RTN3: variants seen among roughly 807,000 people sequenced by gnomAD.
The protein encoded by RTN3 is reticulon-3.
RTN3 carries 49 observed loss-of-function variants against 77.8 expected under a neutral mutation model. The observed-to-expected ratio is 0.63, with a 90% confidence interval of 0.50 to 0.80. The LOEUF is 0.80. RTN3 is among the 30% of genes least tolerant of loss of function. RTN3 has a pLI of 0.00. For missense variants in RTN3, 1,236 were observed against 1,211.9 expected, an observed-to-expected ratio of 1.02 and a Z score of -0.29; for synonymous variants, 464 against 446.9, an observed-to-expected ratio of 1.04 and a Z score of -0.48.
At chr11:63,711,450 G>A (rs1410559098) in intron 2 of RTN3, among the ~76,000 whole-genome samples, 2 of 151,130 alleles carry the variant, frequency 1.3e-5, no homozygotes, top group Middle Eastern at 3.2e-3. Context: ...AGTGCAGTGG[G>A]TCAATTAGGG....
At chr11:63,743,438 T>G (rs555151068) in intron 3 of RTN3, among the ~76,000 whole-genome samples, 1 of 152,234 alleles carries the variant, frequency 6.6e-6, no homozygotes, top group African/African-American at 2.4e-5. Context: ...TTTTCTTTTT[T>G]AGTTGTTAAT....
intron 4 of RTN3, among the ~76,000 whole-genome samples, chr11:63,750,729 G>A (rs555244751): frequency 6.6e-6 from 1 of 150,580 alleles, no homozygotes; most frequent in African/African-American, 2.4e-5. Context: ...TGTTTTTTTT[G>A]TTTTTTGTTT....
chr11:63,752,061 C>A (rs1337836811), intron 4 of RTN3, among the ~76,000 whole-genome samples: 2 of 150,626 alleles, frequency 1.3e-5, no homozygotes, highest in African/African-American at 4.9e-5. Flanking sequence ...ATTACAAATA[C>A]AAATGTGGTT....
chr11:63,748,703 T>C (rs2013939006), intron 3 of RTN3, among the ~76,000 whole-genome samples: 3 of 144,232 alleles, frequency 2.1e-5, no homozygotes, highest in African/African-American at 7.8e-5. Flanking sequence ...AGTTTCGCTC[T>C]GTCACCCAGA....
At chr11:63,692,261 C>T (rs530804914) in intron 1 of RTN3, among the ~76,000 whole-genome samples, 87 of 152,146 alleles carry the variant, frequency 5.7e-4, no homozygotes, top group African/African-American at 2.0e-3. Context: ...GACCTCAAGT[C>T]GTCCATCAAC....
intron 1 of RTN3, among the ~76,000 whole-genome samples, chr11:63,682,812 A>G (rs1272433938): frequency 6.6e-6 from 1 of 152,074 alleles, no homozygotes; most frequent in African/African-American, 2.4e-5. Context: ...TTATGCAGAA[A>G]TCTGCAGTGC....
rs2014370288 is a variant in RTN3 at position 63,756,111 on chromosome 11, G to A, written c.2995-1G>A. On this transcript the variant is annotated splice_acceptor_variant, in intron 7 of 8. Coordinates refer to ENST00000377819, the MANE Select transcript of RTN3 (RefSeq NM_001265589.2). LOFTEE classifies it high-confidence loss of function. Reference sequence around the variant, plus strand: ...ACTGAATTTATTTTCCTTCCTTAAAGACCCAGATTGATCACTATGTTGGCA... The same window carrying A: ...ACTGAATTTATTTTCCTTCCTTAAAAACCCAGATTGATCACTATGTTGGCA... 1.2e-6 allele frequency: 2 copies of A among 1,611,476 alleles called. No homozygotes were observed. Among genetic ancestry groups the A allele is most frequent in the Non-Finnish European group, 1.7e-6 (2 of 1,177,726 alleles).
In RTN3 at chr11:63,701,403, T is replaced by G. The variant is rs191753726; in HGVS notation, c.143-3448T>G. Reference sequence around the variant, plus strand: ...TCTTTTAACATCTCAATTTCTAAATTTAATCAGCTAAAAAGTCCCATATTT... The same window carrying G: ...TCTTTTAACATCTCAATTTCTAAATGTAATCAGCTAAAAAGTCCCATATTT... On this transcript the variant is annotated intron_variant, in intron 1 of 8. Coordinates refer to ENST00000377819, the MANE Select transcript of RTN3 (RefSeq NM_001265589.2). Among the ~76,000 whole-genome samples the G allele has an allele frequency of 9.2e-5, 14 of 152,244 alleles. No individual in the cohort carries two copies. The East Asian group carries it at 2.7e-3, about 29-fold the overall frequency.
Position 63,753,145 on chromosome 11 carries a change from T to C in RTN3, c.2947+7T>C, listed in dbSNP as rs749296936. ...ATCACCCTTCTAATTCTTGGTAAGG[T>C]GGCAAGGAGAATGTGCCCATGCTCT... On this transcript the variant is annotated splice_region_variant and intron_variant, in intron 6 of 8. Transcript: ENST00000377819. 1.2e-6 allele frequency: 2 copies of C among 1,613,306 alleles called. No individual in the cohort carries two copies. Among genetic ancestry groups the C allele is most frequent in the East Asian group, 4.5e-5 (2 of 44,872 alleles).
rs1235530879 is a variant in RTN3, at chr11:63,741,347, C to T, written c.2531-8644C>T. Among the ~76,000 whole-genome samples the T allele has an allele frequency of 4.6e-5, 7 of 150,792 alleles. No homozygotes were observed. In the East Asian group the frequency reaches 7.8e-4, roughly 17 times the overall value. On this transcript the variant is annotated intron_variant, in intron 3 of 8. Coordinates refer to ENST00000377819, the MANE Select transcript of RTN3 (RefSeq NM_001265589.2). ...CCTCCTGAGTAGCTGGGGCTACAGG[C>T]GTGTGCCACCACGCCTGGCTAATTT...
chr11:63,714,522 T>C (rs1199620639), intron 2 of RTN3: 1 of 151,904 alleles, frequency 6.6e-6, no homozygotes, highest in Non-Finnish European at 1.5e-5. Flanking sequence ...TCTCTTCTCT[T>C]CTCTTCTCTT....
At chr11:63,724,239 G>C (rs1321124485) in intron 3 of RTN3, among the ~76,000 whole-genome samples, 2 of 132,762 alleles carry the variant, frequency 1.5e-5, no homozygotes, top group Non-Finnish European at 3.1e-5. Context: ...CTGGAGTGCA[G>C]TGGCGCAATC....
rs1418047862 is a variant in RTN3, at chr11:63,752,515, T to C, written c.2747T>C (p.Leu916Pro). Reference protein sequence around the residue: ...SEEGHPFKAYLDVDITLSSEA... With the variant: ...SEEGHPFKAYPDVDITLSSEA... ...ATTTCTTCTTCTGGAAGAGCCTACC[T>C]GGACGTAGACATTACTCTGTCCTCA... is the stretch of plus-strand genomic sequence containing the variant. Residue 916 changes from leucine (L) to proline (P), a missense_variant, in exon 5 of 9, where the codon CTG (leucine) becomes CCG (proline). Leu to Pro is a moderately conservative substitution (Grantham distance 98). Coordinates refer to ENST00000377819, the MANE Select transcript of RTN3 (RefSeq NM_001265589.2). The C allele has an allele frequency of 8.1e-6, 13 of 1,613,312 alleles. No individual in the cohort carries two copies. Among genetic ancestry groups the C allele is most frequent in the Non-Finnish European group, 1.1e-5 (13 of 1,179,286 alleles).
chr11:63,698,345 C>T (rs1942069634), intron 1 of RTN3, among the ~76,000 whole-genome samples: 2 of 152,120 alleles, frequency 1.3e-5, no homozygotes, highest in East Asian at 3.9e-4. Context: ...AGGCTGGTCT[C>T]AAACTGCTGA....
At chr11:63,689,296 C>G (rs994544716) in intron 1 of RTN3, among the ~76,000 whole-genome samples, 1 of 152,066 alleles carries the variant, frequency 6.6e-6, no homozygotes, top group African/African-American at 2.4e-5. Context: ...CAGAAGTTGC[C>G]CAGAAAACTG....
At chr11:63,684,485 G>A (rs1023679208) in intron 1 of RTN3, among the ~76,000 whole-genome samples, 6 of 151,974 alleles carry the variant, frequency 3.9e-5, no homozygotes, top group African/African-American at 2.4e-5. Context: ...TAGAGATGGG[G>A]TTTTGCCATG....
At chr11:63,722,036 C>CAAATGATA (rs2011855725) in intron 3 of RTN3, among the ~76,000 whole-genome samples, 1 of 152,086 alleles carries the variant, frequency 6.6e-6, no homozygotes, top group East Asian at 1.9e-4. Flanking sequence ...CAAATGATCA[C>CAAATGATA]TTTTCTAGCA....
intron 7 of RTN3, among the ~76,000 whole-genome samples, chr11:63,754,851 C>A (rs2014287730): frequency 7.1e-6 from 1 of 141,554 alleles, no homozygotes; most frequent in Non-Finnish European, 1.5e-5. Flanking sequence ...TGGCATGAAC[C>A]TGGGAGGTGG....
chr11:63,747,272 G>A (rs1248123799), intron 3 of RTN3, among the ~76,000 whole-genome samples: 1 of 152,208 alleles, frequency 6.6e-6, no homozygotes, highest in African/African-American at 2.4e-5. Context: ...CTTCTGTGTT[G>A]AAACTGTTCC....
Sources: allele counts gnomAD v4.1 joint callset (sites outside exome capture counted in the v4.1 genomes callset), GRCh38; gene constraint gnomAD v4.1.1; transcripts MANE v1.5; gene names NCBI Gene and HGNC (gene_info 2026-07-23, HGNC 2026-07-21).